MAPT: variants seen among roughly 807,000 people sequenced by gnomAD.
The protein encoded by MAPT is microtubule-associated protein tau.
MAPT carries 34 observed loss-of-function variants against 67.9 expected under a neutral mutation model. The observed-to-expected ratio is 0.50, with a 90% confidence interval of 0.38 to 0.67. MAPT has a LOEUF of 0.67. Among genes scored for constraint, MAPT ranks in the 30% least tolerant of loss-of-function variants. The pLI is 0.00. For missense variants in MAPT, 881 were observed against 1,115.2 expected, an observed-to-expected ratio of 0.79 and a Z score of 2.99; for synonymous variants, 456 against 464.5, an observed-to-expected ratio of 0.98 and a Z score of 0.23.
At chr17:45,965,577 G>A (rs990018285) in intron 2 of MAPT, among the ~76,000 whole-genome samples, 4 of 151,770 alleles carry the variant, frequency 2.6e-5, no homozygotes, top group South Asian at 2.1e-4. Flanking sequence ...CACCACGCCT[G>A]GCCAGTTCTT....
chr17:45,906,879 G>A lies in MAPT; in HGVS notation c.-18+12193G>A, dbSNP rs2064345730. On this transcript the variant is annotated intron_variant, in intron 1 of 12. Transcript: ENST00000262410. The surrounding 1 kb of genome is among the most constrained non-coding windows in gnomAD (Gnocchi z 4.3). ...TTTCTTCCAGGCATTGCCTCAGTTT[G>A]CCCCTCTGTTTCCAGTCACACTCTC... Among the ~76,000 whole-genome samples, 1 of 152,032 alleles carries A rather than the reference G, an allele frequency of 6.6e-6. No individual in the cohort carries two copies. The highest frequency in any genetic ancestry group is 1.5e-5 in the Non-Finnish European group (1 of 68,012).
intron 1 of MAPT, among the ~76,000 whole-genome samples, chr17:45,923,946 A>G (rs1026949683): frequency 1.3e-5 from 2 of 152,228 alleles, no homozygotes; most frequent in African/African-American, 4.8e-5. Context: ...GAAGAGAATT[A>G]AATGAATTAA....
intron 5 of MAPT, 91 bp from the exon 6 acceptor site, chr17:45,986,949 T>A (rs925237234): frequency 3.6e-6 from 4 of 1,116,632 alleles, no homozygotes; most frequent in East Asian, 5.0e-5. Context: ...AACATGGACC[T>A]ATCCCAGAGA....
intron 1 of MAPT, chr17:45,932,168 G>A (rs1266623338): frequency 1.3e-5 from 2 of 152,126 alleles, no homozygotes; most frequent in Admixed American, 1.3e-4. Context: ...TCCAATTTCT[G>A]TCTTCATAAT....
At chr17:45,978,347 C>A in intron 3 of MAPT, 28 bp from the exon 4 acceptor site, 9 of 1,581,822 alleles carry the variant, frequency 5.7e-6, no homozygotes, top group Non-Finnish European at 7.8e-6. Flanking sequence ...TGCTTTTACC[C>A]CCCTTCATTT....
chr17:45,977,703 C>T (rs1474255667), intron 3 of MAPT: 2 of 152,394 alleles, frequency 1.3e-5, no homozygotes, highest in African/African-American at 4.8e-5. Flanking sequence ...GCCAGCCTCC[C>T]TCTTACCAAG....
intron 1 of MAPT, among the ~76,000 whole-genome samples, chr17:45,938,388 C>G (rs2144838961): frequency 6.6e-6 from 1 of 152,338 alleles, no homozygotes; most frequent in South Asian, 2.1e-4. Context: ...CAGGATGAGT[C>G]CTCACATCAC....
At chr17:45,997,849 C>T (rs1004585185) in intron 9 of MAPT, among the ~76,000 whole-genome samples, 1 of 152,134 alleles carries the variant, frequency 6.6e-6, no homozygotes, top group Admixed American at 6.5e-5. Flanking sequence ...TCTCTAAAGG[C>T]CCTGTCTCCA....
chr17:45,966,539 T>C (rs1351582846), intron 2 of MAPT, among the ~76,000 whole-genome samples: 2 of 152,150 alleles, frequency 1.3e-5, no homozygotes, highest in East Asian at 3.8e-4. Context: ...CAGTGAGCTG[T>C]GATTGTACCA....
At chr17:45,972,121 G>T (rs1237063608) in intron 3 of MAPT, 176 bp downstream of exon 3, 1 of 702,000 alleles carries the variant, frequency 1.4e-6, no homozygotes, top group Non-Finnish European at 2.6e-6. Flanking sequence ...TTGCTTGCTG[G>T]TGCTGAGTGT....
chr17:45,898,270 A>G (rs1308023142), intron 1 of MAPT: 1 of 152,274 alleles, frequency 6.6e-6, no homozygotes, highest in Non-Finnish European at 1.5e-5. Flanking sequence ...GTGACAGTCC[A>G]TGACTGTTCC....
intron 1 of MAPT, among the ~76,000 whole-genome samples, chr17:45,925,706 A>G (rs1427395455): frequency 6.6e-6 from 1 of 152,246 alleles, no homozygotes; most frequent in Non-Finnish European, 1.5e-5. Flanking sequence ...TTCTGACATA[A>G]AAGAGCATGA....
At chr17:45,985,815 A>C in intron 5 of MAPT, 1 of 689,424 alleles carries the variant, frequency 1.5e-6, no homozygotes, top group South Asian at 6.5e-5. Context: ...TTACAGACCC[A>C]GTTGTGGGGT....
intron 1 of MAPT, among the ~76,000 whole-genome samples, chr17:45,903,932 ATATT>A (rs1216043306): frequency 1.5e-4 from 5 of 33,694 alleles, no homozygotes; most frequent in African/African-American, 5.9e-4. Context: ...TATATATTAT[ATATT>A]TATATATAAT....
chr17:45,989,351 T>A (rs2073868576), intron 6 of MAPT, among the ~76,000 whole-genome samples: 1 of 152,128 alleles, frequency 6.6e-6, no homozygotes, highest in Non-Finnish European at 1.5e-5. Flanking sequence ...TCATGTCCTC[T>A]TCTAAAAGCT....
chr17:45,933,475 A>G (rs1320022795), intron 1 of MAPT, among the ~76,000 whole-genome samples: 1 of 152,176 alleles, frequency 6.6e-6, no homozygotes, highest in Non-Finnish European at 1.5e-5. Flanking sequence ...CCTGGCCTCA[A>G]GCGATCTGCC....
intron 2 of MAPT, among the ~76,000 whole-genome samples, chr17:45,965,170 A>G (rs944035104): frequency 3.9e-5 from 6 of 152,012 alleles, no homozygotes; most frequent in South Asian, 2.1e-4. Flanking sequence ...GGTGGCTCAC[A>G]CCTGTAATCC....
chr17:46,001,333 A>G (rs2074981774), intron 9 of MAPT, among the ~76,000 whole-genome samples: 1 of 152,244 alleles, frequency 6.6e-6, no homozygotes, highest in Admixed American at 6.5e-5. Flanking sequence ...AAATGACTGC[A>G]GCATATAAAT....
Position 46,010,206 on chromosome 17 carries a change from G to T in MAPT, c.1999-104G>T. ...GGCATCCTTGCGAGCAAGTAGGCGGGTCCAGGGTGGCGCATGTCACTCATC... is the reference window on the plus strand; with the variant it reads ...GGCATCCTTGCGAGCAAGTAGGCGGTTCCAGGGTGGCGCATGTCACTCATC... On this transcript the variant is annotated intron_variant, in intron 9 of 12. Coordinates refer to ENST00000262410, the MANE Select transcript of MAPT (RefSeq NM_001377265.1). The surrounding 1 kb of genome is among the most constrained non-coding windows in gnomAD (Gnocchi z 4.7). 9.0e-6 allele frequency: 7 copies of T among 781,972 alleles called. No individual in the cohort carries two copies. The South Asian group carries it at 1.0e-4, about 11-fold the overall frequency. 48.4% of individuals were successfully genotyped at this position (781,972 alleles called of 1,614,324 possible).
Sources: allele counts gnomAD v4.1 joint callset (sites outside exome capture counted in the v4.1 genomes callset), GRCh38; gene constraint gnomAD v4.1.1; non-coding constraint Gnocchi (gnomAD v3.1); transcripts MANE v1.5; gene names NCBI Gene and HGNC (gene_info 2026-07-23, HGNC 2026-07-21).